Variants in PCNX3 observed in about 807,000 individuals in gnomAD.
The protein encoded by PCNX3 is pecanex-like protein 3.
In PCNX3, 58 loss-of-function variants were observed where a neutral mutation model predicts 207.2. The observed-to-expected ratio is 0.28, with a 90% CI of 0.23 to 0.35. The LOEUF is 0.35. PCNX3 is among the 10% of genes least tolerant of loss of function. PCNX3 has a pLI of 1.00. For missense variants in PCNX3, 2,410 were observed against 2,774.4 expected (o/e 0.87, Z 2.95); for synonymous variants, 1,337 against 1,183.5 (o/e 1.13, Z -2.66).
chr11:65,618,499 G>C lies in PCNX3; in HGVS notation c.1137G>C (p.Leu379=). ...CACCGGGCCTGGCTGAGCCGCTCCTGGTCGTGCGGCCCAAGGACTTGGCCC... is the reference window on the plus strand; with the variant it reads ...CACCGGGCCTGGCTGAGCCGCTCCTCGTCGTGCGGCCCAAGGACTTGGCCC... The part of the protein sequence containing the change: ...GTPPGLAEPL[L]VVRPKDLALL... The change falls in exon 6 of 35, where the codon CTG becomes CTC. Residue 379 remains leucine, a synonymous_variant. Coordinates refer to ENST00000355703, the MANE Select transcript of PCNX3 (RefSeq NM_032223.4). 1 of 1,610,148 alleles carries C rather than the reference G, an allele frequency of 6.2e-7. No individual in the cohort carries two copies. The highest frequency in any genetic ancestry group is 1.1e-5 in the South Asian group (1 of 90,748).
In PCNX3 at chr11:65,636,320, G is replaced by C. The variant is rs751083148; in HGVS notation, c.5593+13G>C. 6 of 1,611,286 alleles carry C rather than the reference G, an allele frequency of 3.7e-6. No homozygotes were observed. The East Asian group carries it at 8.9e-5, about 24-fold the overall frequency. ...GAGAACACGGCAGGTGAGCAGGCGA[G>C]GCTGGGCTGAACCCGTGGGTGAGGA... is the stretch of plus-strand genomic sequence containing the variant. On this transcript the variant is annotated intron_variant, in intron 33 of 34. Coordinates refer to ENST00000355703, the MANE Select transcript of PCNX3 (RefSeq NM_032223.4).
Position 65,625,581 on chromosome 11 carries a change from C to T in PCNX3, c.3135+71C>T, listed in dbSNP as rs1011678820. The T allele has an allele frequency of 6.3e-7, 1 of 1,584,702 alleles. No individual in the cohort carries two copies. The highest frequency in any genetic ancestry group is 8.6e-7 in the Non-Finnish European group (1 of 1,164,560). ...CCTGGGGTTCCTGGGAGGGGCATGT[C>T]CAGCTTGGGCTGCTGGGCAGCTGAG... On this transcript the variant is annotated intron_variant, in intron 18 of 34. Transcript: ENST00000355703. The surrounding 1 kb of genome is among the most constrained non-coding windows in gnomAD (Gnocchi z 5.6).
chr11:65,633,865 C>T (rs10896025), intron 27 of PCNX3, among the ~76,000 whole-genome samples: 56,020 of 152,178 alleles, frequency 0.37, 10,722 homozygotes, highest in Middle Eastern at 0.42. Flanking sequence ...CAGGCAGATG[C>T]TGCTTGTGAG....
Position 65,625,763 on chromosome 11 carries a change from G to C in PCNX3, c.3228+19G>C. 6.2e-7 allele frequency: 1 copy of C among 1,603,528 alleles called. No homozygotes were observed. The highest frequency in any genetic ancestry group is 8.5e-7 in the Non-Finnish European group (1 of 1,176,822). On this transcript the variant is annotated intron_variant, in intron 19 of 34. Coordinates refer to ENST00000355703, the MANE Select transcript of PCNX3 (RefSeq NM_032223.4). The surrounding 1 kb of genome is among the most constrained non-coding windows in gnomAD (Gnocchi z 5.6). ...CCTGAAGGTTTGTGTGGCATGGGCC[G>C]CTGCTGCCTCTCGCTGTCTTGGCGG...
rs537895107 is a variant in PCNX3, at chr11:65,626,422, G to T, written c.3379+368G>T. ...CACATCTTCACTGGGCTGCATAATG[G>T]TTTTTAAAAAATCCTGGAGCCTCTA... On this transcript the variant is annotated intron_variant, in intron 20 of 34. Coordinates refer to ENST00000355703, the MANE Select transcript of PCNX3 (RefSeq NM_032223.4). The T allele has an allele frequency of 1.2e-5, 5 of 421,616 alleles. No homozygotes were observed. The East Asian group carries it at 2.8e-4, about 23-fold the overall frequency. The allele number at this position is 421,616 out of a possible 1,614,324, so 26.1% of individuals were successfully genotyped here. A position where few individuals can be genotyped will look rare whatever the true frequency, so the allele number is the denominator to read the frequency against.
chr11:65,634,390 G>A (rs1855740535), intron 28 of PCNX3, 34 bp downstream of exon 28: 2 of 1,544,562 alleles, frequency 1.3e-6, no homozygotes, highest in African/African-American at 2.7e-5. Flanking sequence ...GCCACCTGGG[G>A]CTGTGGGACC....
chr11:65,627,002 G>A lies in PCNX3; in HGVS notation c.3478G>A (p.Val1160Met). Reference protein sequence around the residue: ...YPAVVLNALTVDAHTVVSHPD... With the variant: ...YPAVVLNALTMDAHTVVSHPD... ...CGCCGTGGTGCTCAACGCCCTCACG[G>A]TGGACGCCCACACAGTCGTCAGCCA... is the stretch of plus-strand genomic sequence containing the variant. Residue 1160 changes from valine (V) to methionine (M), a missense_variant, in exon 21 of 35, where the codon GTG becomes ATG. By Grantham distance (21) the Val-to-Met change is conservative. Coordinates refer to ENST00000355703, the MANE Select transcript of PCNX3 (RefSeq NM_032223.4). 1 of 1,548,344 alleles carries A rather than the reference G, an allele frequency of 6.5e-7. No homozygotes were observed. Among genetic ancestry groups the A allele is most frequent in the South Asian group, 1.2e-5 (1 of 83,998 alleles).
chr11:65,634,937 C>A (rs1855766411), intron 29 of PCNX3, 36 bp from the exon 30 acceptor site: 22 of 1,592,006 alleles, frequency 1.4e-5, no homozygotes, highest in Non-Finnish European at 1.9e-5. Flanking sequence ...GTCCTCGACA[C>A]CCCTCTCTCC....
At chr11:65,617,190 A>G in intron 2 of PCNX3, 60 bp from the exon 3 acceptor site, 2 of 1,479,654 alleles carry the variant, frequency 1.4e-6, no homozygotes, top group South Asian at 2.4e-5. Context: ...CAAAGATGGG[A>G]GGAAGTAGCA....
Position 65,634,296 on chromosome 11 carries a change from G to A in PCNX3, c.4641G>A (p.Leu1547=), listed in dbSNP as rs1313323341. ...DYDLRLSGLS[L]PSFCAVHLEW... ...ACCTCCGCCTGTCTGGCCTCTCGCT[G>A]CCCTCCTTTTGTGCTGTGCACCTCG... The change falls in exon 28 of 35, where the codon CTG becomes CTA. Residue 1547 remains leucine (L), a synonymous_variant. Transcript: ENST00000355703. 1 of 1,609,842 alleles carries A rather than the reference G, an allele frequency of 6.2e-7. No individual in the cohort carries two copies. Among genetic ancestry groups the A allele is most frequent in the Non-Finnish European group, 8.5e-7 (1 of 1,178,408 alleles).
At position 65,630,395 on chromosome 11, in the gene PCNX3, G is replaced by A; in HGVS notation, c.4261G>A (p.Val1421Met). ...QREVEAITEGVEEDEGCCCCE... is the reference protein window; with the variant it reads ...QREVEAITEGMEEDEGCCCCE... ...CGAGGTGGAGGCTATCACCGAGGGT[G>A]TGGAGGAGGACGAGGGCTGTTGCTG... The change falls in exon 27 of 35, where the codon GTG becomes ATG. Residue 1421 changes from valine to methionine, a missense_variant. Physicochemically the swap from Val to Met is conservative, Grantham distance 21. Coordinates refer to ENST00000355703, the MANE Select transcript of PCNX3 (RefSeq NM_032223.4). The A allele has an allele frequency of 3.1e-6, 5 of 1,613,452 alleles. No individual in the cohort carries two copies. Among genetic ancestry groups the A allele is most frequent in the Non-Finnish European group, 3.4e-6 (4 of 1,179,890 alleles).
At chr11:65,631,025 C>A (rs973728561) in intron 27 of PCNX3, among the ~76,000 whole-genome samples, 12 of 152,250 alleles carry the variant, frequency 7.9e-5, no homozygotes, top group Admixed American at 7.9e-4. Context: ...CTCTCCTGAG[C>A]TGGGTGGAGT....
rs1214571770 is a variant in PCNX3 at position 65,622,312 on chromosome 11, G to A, written c.2303G>A (p.Gly768Asp). 3 of 1,597,196 alleles carry A rather than the reference G, an allele frequency of 1.9e-6. No homozygotes were observed. The highest frequency in any genetic ancestry group is 2.6e-6 in the Non-Finnish European group (3 of 1,172,780). ...QHSYKYWLLP[G>D]RWTSVRYERL... The stretch of plus-strand genomic sequence containing the variant: ...AGTTACAAGTACTGGCTTCTCCCTG[G>A]CCGCTGGACCTCTGTGCGCTATGAG... Residue 768 changes from glycine to aspartate, a missense_variant, in exon 11 of 35, where the codon GGC (glycine) becomes GAC (aspartate). Physicochemically the swap from Gly to Asp is moderately conservative, Grantham distance 94. Around this residue, in one of 8 missense-constraint regions of PCNX3, gnomAD observed 177 missense variants for 257.5 expected, o/e 0.69. Coordinates refer to ENST00000355703, the MANE Select transcript of PCNX3 (RefSeq NM_032223.4).
rs753385168 is a variant in PCNX3 at position 65,618,234 on chromosome 11, C to T, written c.872C>T (p.Thr291Met). Residue 291 changes from threonine to methionine, a missense_variant, in exon 6 of 35, where the codon ACG (threonine) becomes ATG (methionine). Coordinates refer to ENST00000355703, the MANE Select transcript of PCNX3 (RefSeq NM_032223.4). Reference sequence around the variant, plus strand: ...GACCGGCGGGGCTCAGGGGAGCCCACGCCCCAGAAAGCCGGCTCCTCAGAC... The same window carrying T: ...GACCGGCGGGGCTCAGGGGAGCCCATGCCCCAGAAAGCCGGCTCCTCAGAC... ...PLDRRGSGEP[T>M]PQKAGSSDSC... 41 of 1,607,692 alleles carry T rather than the reference C, an allele frequency of 2.6e-5. No individual in the cohort carries two copies. Among genetic ancestry groups the T allele is most frequent in the South Asian group, 2.5e-4 (23 of 90,896 alleles).
In PCNX3 at chr11:65,636,857, C is replaced by T. The variant is rs1329110113; in HGVS notation, c.5984C>T (p.Pro1995Leu). 2 of 1,551,428 alleles carry T rather than the reference C, an allele frequency of 1.3e-6. No individual in the cohort carries two copies. The highest frequency in any genetic ancestry group is 2.4e-5 in the South Asian group (2 of 84,100). The change falls in exon 35 of 35, where the codon CCT becomes CTT. Residue 1995 changes from proline to leucine, a missense_variant. Pro to Leu is a moderately conservative substitution (Grantham distance 98). This residue lies in a region of PCNX3 where 278 missense variants were observed against 245.1 expected (regional missense o/e 1.13). Transcript: ENST00000355703. ...CCCCCCAGAGCTTCCCAGGACATTC[C>T]TTGCTTGGACAGCAGTGCCCCTGAG... Reference protein sequence around the residue: ...ASPPRASQDIPCLDSSAPESG... With the variant: ...ASPPRASQDILCLDSSAPESG...
Position 65,620,897 on chromosome 11 carries a change from C to T in PCNX3, c.2166C>T (p.Asn722=). 5 of 1,569,254 alleles carry T rather than the reference C, an allele frequency of 3.2e-6. No homozygotes were observed. The South Asian group carries it at 4.7e-5, about 15-fold the overall frequency. ...TCCCTGAGGCTACAGGCGGCCTGAA[C>T]CTGCTGCAGCCGAGGCCTGTGGTTC... ...ADVPEATGGL[N]LLQPRPVVLQ... The change falls in exon 10 of 35, where the codon AAC becomes AAT. Residue 722 remains asparagine, a synonymous_variant. Coordinates refer to ENST00000355703, the MANE Select transcript of PCNX3 (RefSeq NM_032223.4).
Position 65,616,266 on chromosome 11 carries a change from C to G in PCNX3, c.-46C>G, listed in dbSNP as rs757791494. ...ACGGGGCATGGGCCGGGGGCCGCCC[C>G]CATGAGGGTCCCGGGAGGGGGGGCG... On this transcript the variant is annotated 5_prime_UTR_variant, in exon 1 of 35. Transcript: ENST00000355703. 4.0e-6 allele frequency: 6 copies of G among 1,483,544 alleles called. No homozygotes were observed. The highest frequency in any genetic ancestry group is 4.5e-6 in the Non-Finnish European group (5 of 1,117,042). The allele number at this position is 1,483,544 out of a possible 1,614,324, so 91.9% of individuals were successfully genotyped here.
chr11:65,627,922 C>G (rs765629252), intron 22 of PCNX3, among the ~76,000 whole-genome samples: 1 of 152,172 alleles, frequency 6.6e-6, no homozygotes, highest in Non-Finnish European at 1.5e-5. Context: ...GAGTTCCACG[C>G]TCTTTTGCCA....
chr11:65,624,124 C>T, intron 13 of PCNX3, 71 bp from the exon 14 acceptor site: 1 of 1,567,552 alleles, frequency 6.4e-7, no homozygotes, highest in East Asian at 2.3e-5. Context: ...GCCTGGGGCC[C>T]TTGAGTGTGT....
Sources: allele counts gnomAD v4.1 joint callset (sites outside exome capture counted in the v4.1 genomes callset), GRCh38; gene constraint gnomAD v4.1.1; regional missense constraint gnomAD v4.1.1; non-coding constraint Gnocchi (gnomAD v3.1); transcripts MANE v1.5; gene names NCBI Gene and HGNC (gene_info 2026-07-23, HGNC 2026-07-21).